The following WIPF1 variants were observed in gnomAD, a reference collection of about 807,000 sequenced individuals.
The protein encoded by WIPF1 is WAS/WASL interacting protein family member 1.
WIPF1 carries 13 observed loss-of-function variants against 35.4 expected under a neutral mutation model. The ratio of observed to expected loss-of-function variants is 0.37; its 90% CI spans 0.24 to 0.58. WIPF1 has a LOEUF of 0.58. Among genes scored for constraint, WIPF1 ranks in the 20% least tolerant of loss-of-function variants. WIPF1 has a pLI of 0.74. For synonymous variants in WIPF1, 267 were observed against 266.3 expected (o/e 1.00, Z -0.02); for missense variants, 591 against 667.0 (o/e 0.89, Z 1.25).
chr2:174,605,360 C>T (rs960867513), intron 1 of WIPF1, among the ~76,000 whole-genome samples: 44 of 152,266 alleles, frequency 2.9e-4, no homozygotes, highest in Non-Finnish European at 1.5e-5. Context: ...ATTGCTTGAA[C>T]CCGGAAGGCG....
intron 1 of WIPF1, among the ~76,000 whole-genome samples, chr2:174,635,529 G>GTTTTTTTTT (rs1197924942): frequency 4.3e-5 from 5 of 115,616 alleles, no homozygotes; most frequent in Non-Finnish European, 6.9e-5. Context: ...CCTTCTGTTT[G>GTTTTTTTTT]TTTTTTTTTT....
chr2:174,677,260 A>C (rs1168792876), intron 1 of WIPF1: 2 of 152,268 alleles, frequency 1.3e-5, no homozygotes, highest in Admixed American at 1.3e-4. Context: ...TGCAAAACAA[A>C]GATCTGTTTG....
At chr2:174,631,921 T>A (rs920916654) in intron 1 of WIPF1, among the ~76,000 whole-genome samples, 1 of 152,230 alleles carries the variant, frequency 6.6e-6, no homozygotes, top group African/African-American at 2.4e-5. Context: ...ACTCTGGTAT[T>A]ATCTGGGATT....
At chr2:174,649,218 T>A (rs1167225874) in intron 1 of WIPF1, among the ~76,000 whole-genome samples, 1 of 152,178 alleles carries the variant, frequency 6.6e-6, no homozygotes, top group African/African-American at 2.4e-5. Context: ...GCTGAGCCCA[T>A]AAATGGCAAC....
At chr2:174,639,413 T>G (rs536525187) in intron 1 of WIPF1, among the ~76,000 whole-genome samples, 4 of 152,218 alleles carry the variant, frequency 2.6e-5, no homozygotes, top group Non-Finnish European at 5.9e-5. Context: ...ATCATCACGC[T>G]TGGCTAATTT....
chr2:174,633,121 G>A (rs114042688), intron 1 of WIPF1, among the ~76,000 whole-genome samples: 3,443 of 152,264 alleles, frequency 0.023, 124 homozygotes, highest in African/African-American at 0.076. Context: ...AAACCACTAG[G>A]GCTGATATGT....
chr2:174,582,970 A>C (rs564362223), intron 2 of WIPF1, among the ~76,000 whole-genome samples: 97 of 152,276 alleles, frequency 6.4e-4, no homozygotes, highest in Non-Finnish European at 8.1e-4. Context: ...TTTTACAGAC[A>C]AGGAAACTGA....
intron 7 of WIPF1, 102 bp from the exon 8 acceptor site, chr2:174,562,704 A>G (rs1684520619): frequency 1.4e-6 from 2 of 1,463,132 alleles, no homozygotes; most frequent in African/African-American, 2.8e-5. Context: ...CCTCATCCCT[A>G]TGACCAGGGC....
intron 4 of WIPF1, 138 bp from the exon 5 acceptor site, chr2:174,572,584 T>C: frequency 8.3e-7 from 1 of 1,208,252 alleles, no homozygotes. Context: ...TTATATAAAT[T>C]GGGTTTTGTT....
intron 1 of WIPF1, among the ~76,000 whole-genome samples, chr2:174,633,658 G>T (rs6707162): frequency 0.72 from 108,732 of 151,668 alleles, 39,633 homozygotes; most frequent in East Asian, 0.97. Flanking sequence ...GCCTCAGGAA[G>T]AATAATCTTG....
chr2:174,618,631 C>G (rs1039413991), intron 1 of WIPF1, among the ~76,000 whole-genome samples: 26 of 152,192 alleles, frequency 1.7e-4, no homozygotes, highest in African/African-American at 5.8e-4. Flanking sequence ...TCAACTCATT[C>G]AATTCTCACA....
At chr2:174,669,537 A>G (rs1687961832) in intron 1 of WIPF1, among the ~76,000 whole-genome samples, 1 of 152,204 alleles carries the variant, frequency 6.6e-6, no homozygotes, top group African/African-American at 2.4e-5. Context: ...ATCTGCTATC[A>G]AGTAGTTCAC....
At chr2:174,660,164 T>C (rs955667416) in intron 1 of WIPF1, among the ~76,000 whole-genome samples, 1 of 152,230 alleles carries the variant, frequency 6.6e-6, no homozygotes, top group African/African-American at 2.4e-5. Context: ...TAGGCCATTC[T>C]GTGGCTATCA....
At chr2:174,575,826 T>A (rs1164691952) in intron 3 of WIPF1, among the ~76,000 whole-genome samples, 1 of 151,376 alleles carries the variant, frequency 6.6e-6, no homozygotes, top group African/African-American at 2.4e-5. Context: ...TGGGTGACAG[T>A]GAGACCCTGT....
upstream of WIPF1, among the ~76,000 whole-genome samples, chr2:174,602,672 C>A (rs1244492801): frequency 1.3e-5 from 2 of 152,202 alleles, no homozygotes; most frequent in African/African-American, 4.8e-5. Flanking sequence ...ACATAATTAT[C>A]AGTACAGCTA....
At chr2:174,621,725 T>C (rs1404786370) in intron 1 of WIPF1, among the ~76,000 whole-genome samples, 1 of 152,228 alleles carries the variant, frequency 6.6e-6, no homozygotes, top group African/African-American at 2.4e-5. Flanking sequence ...TAAAAATTAC[T>C]AACGAGATAT....
intron 1 of WIPF1, among the ~76,000 whole-genome samples, chr2:174,594,339 A>G (rs533687718): frequency 2.2e-4 from 33 of 152,322 alleles, no homozygotes; most frequent in South Asian, 6.2e-4. Flanking sequence ...TTTTACTGCA[A>G]GAGTACTGCT....
intron 1 of WIPF1, among the ~76,000 whole-genome samples, chr2:174,640,148 T>C (rs1687267955): frequency 6.6e-6 from 1 of 151,886 alleles, no homozygotes; most frequent in East Asian, 1.9e-4. Flanking sequence ...TAGTGAACTA[T>C]CTATAAAAGA....
chr2:174,673,787 C>G (rs1348663779), intron 1 of WIPF1: 1 of 150,644 alleles, frequency 6.6e-6, no homozygotes, highest in Admixed American at 6.7e-5. Flanking sequence ...ACAGGACTTC[C>G]TTTTGTGAAT....
Sources: gnomAD v4.1 joint callset for allele counts (sites outside exome capture counted in the v4.1 genomes callset) on GRCh38, gnomAD v4.1.1 for gene constraint, MANE v1.5 for transcripts, NCBI Gene and HGNC (gene_info 2026-07-23, HGNC 2026-07-21) for gene names.